The following PRKD1 variants were observed in gnomAD, a reference collection of about 807,000 sequenced individuals.
PRKD1 encodes the protein serine/threonine-protein kinase D1.
In PRKD1, 63 loss-of-function variants were observed where a neutral mutation model predicts 95.9. The ratio of observed to expected loss-of-function variants is 0.66; its 90% CI spans 0.54 to 0.81. The LOEUF is 0.81. Among genes scored for constraint, PRKD1 ranks in the 30% least tolerant of loss-of-function variants. The pLI is 0.00. For synonymous variants in PRKD1, 425 were observed against 423.1 expected (o/e 1.00, Z -0.05); for missense variants, 1,048 against 1,165.3 (o/e 0.90, Z 1.47).
intron 4 of PRKD1, among the ~76,000 whole-genome samples, chr14:29,641,514 A>T (rs2139145985): frequency 6.6e-6 from 1 of 152,352 alleles, no homozygotes; most frequent in Non-Finnish European, 1.5e-5. Flanking sequence ...GTACTAGATA[A>T]TGAACACCTT....
chr14:29,884,276 T>C (rs1382150509), intron 1 of PRKD1, among the ~76,000 whole-genome samples: 1 of 152,144 alleles, frequency 6.6e-6, no homozygotes, highest in African/African-American at 2.4e-5. Context: ...GTAAAATATA[T>C]ATAACAATAC....
chr14:29,643,084 A>T (rs1009538114), intron 4 of PRKD1, among the ~76,000 whole-genome samples: 3 of 152,264 alleles, frequency 2.0e-5, no homozygotes, highest in East Asian at 1.9e-4. Flanking sequence ...TGCATTTTTT[A>T]AAATTTTATA....
intron 1 of PRKD1, among the ~76,000 whole-genome samples, chr14:29,729,938 TAGA>T (rs1566566093): frequency 6.6e-6 from 1 of 152,014 alleles, no homozygotes; most frequent in Non-Finnish European, 1.5e-5. Context: ...ATAAAATTAC[TAGA>T]AGATGTGGAG....
At chr14:29,658,315 A>G (rs1882006657) in intron 4 of PRKD1, among the ~76,000 whole-genome samples, 1 of 152,154 alleles carries the variant, frequency 6.6e-6, no homozygotes, top group Admixed American at 6.5e-5. Context: ...TACTTCCCAC[A>G]CAATATTAAT....
At chr14:29,651,654 T>A (rs1441417234) in intron 4 of PRKD1, among the ~76,000 whole-genome samples, 1 of 152,032 alleles carries the variant, frequency 6.6e-6, no homozygotes, top group Admixed American at 6.5e-5. Flanking sequence ...ATCTTTCTTT[T>A]TTTTTTTTCC....
intron 1 of PRKD1, among the ~76,000 whole-genome samples, chr14:29,728,381 C>G (rs1483166433): frequency 6.6e-6 from 1 of 152,118 alleles, no homozygotes; most frequent in Non-Finnish European, 1.5e-5. Context: ...AAATCACAAT[C>G]AAGCCATGAG....
chr14:29,703,021 G>C (rs1418057723), intron 2 of PRKD1, among the ~76,000 whole-genome samples: 2 of 152,018 alleles, frequency 1.3e-5, no homozygotes, highest in Non-Finnish European at 2.9e-5. Context: ...TAGCCTGGGA[G>C]GTTTCTACTT....
At chr14:29,899,132 C>T (rs908733143) in intron 1 of PRKD1, among the ~76,000 whole-genome samples, 1 of 152,064 alleles carries the variant, frequency 6.6e-6, no homozygotes, top group Non-Finnish European at 1.5e-5. Flanking sequence ...CAAGCACACA[C>T]CAATAGAATA....
At chr14:29,890,621 CT>C (rs994483761) in intron 1 of PRKD1, among the ~76,000 whole-genome samples, 1 of 152,122 alleles carries the variant, frequency 6.6e-6, no homozygotes, top group African/African-American at 2.4e-5. Context: ...TGGCCTTTCT[CT>C]TTTTTTTCTT....
In PRKD1 at chr14:29,666,127, T is replaced by G; in HGVS notation, c.485A>C (p.His162Pro). 6.2e-7 allele frequency: 1 copy of G among 1,606,850 alleles called. No individual in the cohort carries two copies. The highest frequency in any genetic ancestry group is 1.1e-5 in the South Asian group (1 of 89,850). The change falls in exon 3 of 18, where the codon CAC becomes CCC. Residue 162 changes from histidine (H) to proline (P), a missense_variant. By Grantham distance (77) the His-to-Pro change is moderately conservative. This residue lies in a region of PRKD1 where 275 missense variants were observed against 248.6 expected (regional missense o/e 1.11). Transcript: ENST00000331968. The stretch of plus-strand genomic sequence containing the variant: ...CAGCCCCCACAGCATTTCTCCACAG[T>G]GATCACAGAAAGCTGGAGCTCTGTA... Reference protein sequence around the residue: ...HSYRAPAFCDHCGEMLWGLVR... With the variant: ...HSYRAPAFCDPCGEMLWGLVR...
intron 1 of PRKD1, among the ~76,000 whole-genome samples, chr14:29,824,700 A>G (rs549069722): frequency 6.6e-6 from 1 of 152,302 alleles, no homozygotes; most frequent in African/African-American, 2.4e-5. Flanking sequence ...TATACTGATG[A>G]AACTATTCTA....
At chr14:29,580,489 T>A (rs1892719856) in intron 16 of PRKD1, among the ~76,000 whole-genome samples, 1 of 152,136 alleles carries the variant, frequency 6.6e-6, no homozygotes, top group South Asian at 2.1e-4. Flanking sequence ...TACATACATT[T>A]TGTGGCTTTT....
intron 11 of PRKD1, among the ~76,000 whole-genome samples, chr14:29,626,895 A>G (rs984606060): frequency 1.8e-4 from 27 of 151,934 alleles, no homozygotes; most frequent in African/African-American, 6.3e-4. Context: ...TTGTATTTTT[A>G]GTAGAGATGG....
At chr14:29,694,966 C>T (rs1383263520) in intron 2 of PRKD1, among the ~76,000 whole-genome samples, 1 of 152,162 alleles carries the variant, frequency 6.6e-6, no homozygotes, top group East Asian at 1.9e-4. Flanking sequence ...GGCACGGTGG[C>T]TCACACCTGT....
chr14:29,729,146 C>T (rs1886314810), intron 1 of PRKD1, among the ~76,000 whole-genome samples: 1 of 152,040 alleles, frequency 6.6e-6, no homozygotes, highest in African/African-American at 2.4e-5. Flanking sequence ...TAAAATTTTA[C>T]ATTTGAGTCT....
chr14:29,887,721 T>C lies in PRKD1; in HGVS notation c.264+39528A>G, dbSNP rs554946077. Among the ~76,000 whole-genome samples, 348 of 152,336 alleles carry C rather than the reference T, an allele frequency of 2.3e-3. 1 individual carries two copies. Among genetic ancestry groups the C allele is most frequent in the African/African-American group, 6.6e-3 (276 of 41,584 alleles). On this transcript the variant is annotated intron_variant, in intron 1 of 17. Coordinates refer to ENST00000331968, the MANE Select transcript of PRKD1 (RefSeq NM_002742.3). ...TAATTGTACCTTTTATATACTTAGA[T>C]ACACAAATATTTACCATGTGTTACA... is the stretch of plus-strand genomic sequence containing the variant.
In PRKD1 at chr14:29,699,313, A is replaced by G. The variant is rs867648816; in HGVS notation, c.403+26223T>C. On this transcript the variant is annotated intron_variant, in intron 2 of 17. Coordinates refer to ENST00000331968, the MANE Select transcript of PRKD1 (RefSeq NM_002742.3). ...AGGCTGCATATTTCCCTGTACCCTC[A>G]TCAGTACTGTATCCAATACTGGGCT... is the stretch of plus-strand genomic sequence containing the variant. 5.9e-5 allele frequency among the ~76,000 whole-genome samples: 9 copies of G among 152,304 alleles called. No homozygotes were observed. In the South Asian group the frequency reaches 1.2e-3, roughly 21 times the overall value.
At chr14:29,594,298 C>G (rs1893225817) in intron 16 of PRKD1, 1 of 327,628 alleles carries the variant, frequency 3.1e-6, no homozygotes, top group East Asian at 8.8e-5. Context: ...TACATTACAA[C>G]TAGCAATATG....
intron 16 of PRKD1, among the ~76,000 whole-genome samples, chr14:29,582,230 T>C (rs1594336546): frequency 6.6e-6 from 1 of 152,232 alleles, no homozygotes; most frequent in Non-Finnish European, 1.5e-5. Flanking sequence ...AAATCATCTA[T>C]TTAATCATTC....
Sources: allele counts gnomAD v4.1 joint callset (sites outside exome capture counted in the v4.1 genomes callset), GRCh38; gene constraint gnomAD v4.1.1; regional missense constraint gnomAD v4.1.1; transcripts MANE v1.5; gene names NCBI Gene and HGNC (gene_info 2026-07-23, HGNC 2026-07-21).